Variants in RABGAP1L observed in about 807,000 individuals in gnomAD.
RABGAP1L encodes RAB GTPase activating protein 1 like.
A neutral mutation model predicts 137.7 loss-of-function variants in RABGAP1L; 63 were observed. That is an observed-to-expected ratio of 0.46 (90% CI 0.37 to 0.56). The LOEUF (loss-of-function observed/expected upper bound fraction) is 0.56, where lower values mean the gene tolerates loss of function less well. RABGAP1L is among the 20% of genes least tolerant of loss of function. The probability of loss-of-function intolerance (pLI) is 0.00; values close to 1 mark genes in which losing one functional copy is unlikely to be tolerated. For missense variants in RABGAP1L, 1,095 were observed against 1,244.0 expected, an observed-to-expected ratio of 0.88 and a Z score of 1.80; for synonymous variants, 431 against 433.7, an observed-to-expected ratio of 0.99 and a Z score of 0.08.
intron 13 of RABGAP1L, among the ~76,000 whole-genome samples, chr1:174,429,713 G>A (rs1571762165): frequency 1.3e-5 from 2 of 150,914 alleles, no homozygotes; most frequent in African/African-American, 2.4e-5. Flanking sequence ...CACTCCAGCC[G>A]GGGTGACAAG....
intron 13 of RABGAP1L, among the ~76,000 whole-genome samples, chr1:174,439,032 C>A (rs1653819279): frequency 6.6e-6 from 1 of 150,998 alleles, no homozygotes; most frequent in African/African-American, 2.4e-5. Flanking sequence ...ACAATTATAT[C>A]TTCCTTTTCT....
chr1:174,327,990 T>TATACAC, intron 11 of RABGAP1L, among the ~76,000 whole-genome samples: 1 of 36,364 alleles, frequency 2.7e-5, no homozygotes, highest in African/African-American at 9.9e-5. Flanking sequence ...CACACACATA[T>TATACAC]ATATATATAT....
intron 19 of RABGAP1L, among the ~76,000 whole-genome samples, chr1:174,896,757 T>C (rs1657261117): frequency 1.3e-5 from 2 of 152,236 alleles, no homozygotes; most frequent in Non-Finnish European, 1.5e-5. Context: ...TGTAGATGTG[T>C]GGTATTATTT....
intron 22 of RABGAP1L, 78 bp from the exon 23 acceptor site, chr1:174,978,729 G>C: frequency 7.1e-7 from 1 of 1,406,540 alleles, no homozygotes; most frequent in Non-Finnish European, 9.3e-7. Flanking sequence ...CTATGAATCA[G>C]ACAGACTTGA....
chr1:174,373,492 G>A (rs1190250540), intron 12 of RABGAP1L, among the ~76,000 whole-genome samples: 1 of 152,164 alleles, frequency 6.6e-6, no homozygotes, highest in Non-Finnish European at 1.5e-5. Context: ...CTGATGCAGG[G>A]ATCTCTGAAG....
At chr1:174,556,459 G>A (rs1189572002) in intron 13 of RABGAP1L, among the ~76,000 whole-genome samples, 1 of 152,168 alleles carries the variant, frequency 6.6e-6, no homozygotes, top group Non-Finnish European at 1.5e-5. Context: ...ACTGAAGGTG[G>A]GAGGCCAGTT....
rs534593223 is a variant in RABGAP1L at position 174,612,550 on chromosome 1, T to C, written c.1711-24825T>C. 1.3e-3 allele frequency among the ~76,000 whole-genome samples: 192 copies of C among 152,332 alleles called. 3 individuals are homozygous for C. Among genetic ancestry groups the C allele is most frequent in the South Asian group, 0.012 (59 of 4,822 alleles). ...GTTGTGTCTCTGCCCGGCTTTGGTA[T>C]CAGGATGATGCTGGCCTCATAAAAT... is the stretch of plus-strand genomic sequence containing the variant. On this transcript the variant is annotated intron_variant, in intron 13 of 25. Transcript: ENST00000681986.
chr1:174,854,828 C>T lies in RABGAP1L; in HGVS notation c.2340+42868C>T, dbSNP rs538289051. On this transcript the variant is annotated intron_variant, in intron 19 of 25. Transcript: ENST00000681986. ...TCTTGGCTCACTGTAACCTCTGCCC[C>T]CAGGATTCAAGTGATTCTCTTGCCT... 7.9e-5 allele frequency among the ~76,000 whole-genome samples: 11 copies of T among 139,350 alleles called. No homozygotes were observed. In the East Asian group the frequency reaches 2.3e-3, roughly 29 times the overall value. The allele number at this position is 139,350 out of a possible 152,430, so 91.4% of individuals were successfully genotyped here.
At chr1:174,621,350 C>G (rs1301078241) in intron 13 of RABGAP1L, among the ~76,000 whole-genome samples, 2 of 152,200 alleles carry the variant, frequency 1.3e-5, no homozygotes, top group African/African-American at 4.8e-5. Context: ...CTGGAGAAAA[C>G]TACTTTAAAG....
At chr1:174,538,094 T>G (rs1400706801) in intron 13 of RABGAP1L, among the ~76,000 whole-genome samples, 2 of 152,182 alleles carry the variant, frequency 1.3e-5, no homozygotes, top group Non-Finnish European at 2.9e-5. Flanking sequence ...ATCTTAGACC[T>G]CATTTCTCTC....
intron 13 of RABGAP1L, among the ~76,000 whole-genome samples, chr1:174,532,285 C>T (rs774519558): frequency 2.6e-5 from 4 of 151,716 alleles, no homozygotes; most frequent in Non-Finnish European, 5.9e-5. Flanking sequence ...CTCAGCTCAC[C>T]GCAGCCTTTG....
intron 13 of RABGAP1L, among the ~76,000 whole-genome samples, chr1:174,407,442 G>A (rs1649404835): frequency 6.6e-6 from 1 of 151,936 alleles, no homozygotes; most frequent in African/African-American, 2.4e-5. Flanking sequence ...TTGAAAAATT[G>A]TGTATAACCT....
intron 13 of RABGAP1L, among the ~76,000 whole-genome samples, chr1:174,451,815 A>G (rs1266825960): frequency 1.3e-5 from 2 of 152,190 alleles, no homozygotes; most frequent in Non-Finnish European, 2.9e-5. Context: ...GATAAGCTCA[A>G]ACTTACCAGT....
chr1:174,200,870 G>A (rs1668046576), intron 1 of RABGAP1L, among the ~76,000 whole-genome samples: 1 of 151,964 alleles, frequency 6.6e-6, no homozygotes, highest in South Asian at 2.1e-4. Context: ...CTTTTGTTTT[G>A]AAAAAAGATG....
intron 11 of RABGAP1L, among the ~76,000 whole-genome samples, chr1:174,314,535 C>A (rs1679188023): frequency 6.6e-6 from 1 of 152,010 alleles, no homozygotes; most frequent in Admixed American, 6.6e-5. Flanking sequence ...TTTCCTTCAA[C>A]TAATTTTGGG....
At chr1:174,352,284 T>G (rs1291963992) in intron 11 of RABGAP1L, among the ~76,000 whole-genome samples, 1 of 152,154 alleles carries the variant, frequency 6.6e-6, no homozygotes, top group Non-Finnish European at 1.5e-5. Context: ...CTTCTAATTG[T>G]GTGTTTTCAA....
At chr1:174,474,847 C>T (rs1030220975) in intron 13 of RABGAP1L, among the ~76,000 whole-genome samples, 1 of 152,016 alleles carries the variant, frequency 6.6e-6, no homozygotes, top group South Asian at 2.1e-4. Context: ...GTGATCCACC[C>T]GCCTCTGCCT....
chr1:174,377,224 T>C (rs1443999557), intron 12 of RABGAP1L, among the ~76,000 whole-genome samples: 1 of 126,288 alleles, frequency 7.9e-6, no homozygotes, highest in African/African-American at 2.5e-5. Flanking sequence ...AATGAAGATA[T>C]ATGCTATGTT....
At chr1:174,278,496 A>G (rs976057810) in intron 9 of RABGAP1L, 117 bp from the exon 10 acceptor site, 4 of 743,902 alleles carry the variant, frequency 5.4e-6, no homozygotes, top group Non-Finnish European at 8.8e-6. Context: ...TTAAAAATAA[A>G]CATAGAAGGT....
Sources: allele counts gnomAD v4.1 joint callset (sites outside exome capture counted in the v4.1 genomes callset), GRCh38; gene constraint gnomAD v4.1.1; transcripts MANE v1.5; gene names NCBI Gene and HGNC (gene_info 2026-07-23, HGNC 2026-07-21).